The following SLC7A8 variants were observed in gnomAD, a reference collection of about 807,000 sequenced individuals.
The protein encoded by SLC7A8 is solute carrier family 7 member 8.
SLC7A8 carries 30 observed loss-of-function variants against 51.2 expected under a neutral mutation model. The ratio of observed to expected loss-of-function variants is 0.59; its 90% CI spans 0.44 to 0.80. SLC7A8 has a LOEUF of 0.80. Among genes scored for constraint, SLC7A8 ranks in the 30% least tolerant of loss-of-function variants. The pLI, the probability that SLC7A8 is intolerant of heterozygous loss-of-function variation, is 0.00. For synonymous variants in SLC7A8, 257 were observed against 275.8 expected (o/e 0.93, Z 0.67); for missense variants, 612 against 674.4 (o/e 0.91, Z 1.03).
Position 23,175,620 on chromosome 14 carries a change from C to T in SLC7A8, c.151+7144G>A, listed in dbSNP as rs140826181. 7.8e-3 allele frequency among the ~76,000 whole-genome samples: 1,188 copies of T among 152,344 alleles called. 10 individuals carry two copies. Among genetic ancestry groups the T allele is most frequent in the Middle Eastern group, 0.048 (14 of 294 alleles). ...TTTCTTTCCTCCACTCTAAGCATCT[C>T]CTGCTAGTCAGTCATTCTGCGTAAC... On this transcript the variant is annotated intron_variant, in intron 1 of 10. Transcript: ENST00000316902.
intron 3 of SLC7A8, chr14:23,155,310 C>T (rs896756488): frequency 2.0e-6 from 3 of 1,535,742 alleles, no homozygotes; most frequent in Non-Finnish European, 2.6e-6. Flanking sequence ...TGGAGGCACA[C>T]AGCTTTTACC....
chr14:23,149,125 G>A (rs2048823846), intron 3 of SLC7A8, among the ~76,000 whole-genome samples: 1 of 152,156 alleles, frequency 6.6e-6, no homozygotes, highest in South Asian at 2.1e-4. Context: ...GGTTAGCAAA[G>A]TTCCACACCA....
At chr14:23,166,821 A>C (rs1454821058) in intron 1 of SLC7A8, among the ~76,000 whole-genome samples, 1 of 152,228 alleles carries the variant, frequency 6.6e-6, no homozygotes, top group Admixed American at 6.5e-5. Flanking sequence ...CACATTTTAC[A>C]GAGGAGGAAA....
intron 3 of SLC7A8, among the ~76,000 whole-genome samples, chr14:23,161,057 G>A (rs1044440138): frequency 2.6e-5 from 4 of 151,492 alleles, no homozygotes; most frequent in South Asian, 2.1e-4. Context: ...AGAATAACTC[G>A]AAGTGGCAGC....
intron 3 of SLC7A8, among the ~76,000 whole-genome samples, chr14:23,161,150 A>AAGCCAGTTTCAGCAGGTT: frequency 6.6e-6 from 1 of 151,906 alleles, no homozygotes; most frequent in South Asian, 2.1e-4. Flanking sequence ...TCCGGCAGGC[A>AAGCCAGTTTCAGCAGGTT]AGCCAGTTTC....
chr14:23,182,534 G>A (rs538333250), intron 1 of SLC7A8, among the ~76,000 whole-genome samples: 1 of 152,260 alleles, frequency 6.6e-6, no homozygotes, highest in Admixed American at 6.5e-5. Context: ...ACCACGATTT[G>A]CTCCATTCTA....
At chr14:23,175,508 C>T (rs879342633) in intron 1 of SLC7A8, among the ~76,000 whole-genome samples, 8 of 152,132 alleles carry the variant, frequency 5.3e-5, no homozygotes, top group African/African-American at 1.9e-4. Flanking sequence ...CGCACCCGGC[C>T]GGTACAGGGT....
At chr14:23,143,739 C>T (rs2048766034) in intron 3 of SLC7A8, among the ~76,000 whole-genome samples, 3 of 152,202 alleles carry the variant, frequency 2.0e-5, no homozygotes, top group African/African-American at 7.2e-5. Context: ...CACTTCAGCA[C>T]TTCATATATA....
chr14:23,154,512 C>T, intron 3 of SLC7A8: 1 of 977,668 alleles, frequency 1.0e-6, no homozygotes, highest in Non-Finnish European at 1.2e-6. Flanking sequence ...GTGGAAGGAA[C>T]TGAGCACGTG....
At chr14:23,138,661 A>T (rs1417560972) in intron 6 of SLC7A8, among the ~76,000 whole-genome samples, 2 of 152,240 alleles carry the variant, frequency 1.3e-5, no homozygotes, top group Non-Finnish European at 2.9e-5. Flanking sequence ...AAAGGCTGTG[A>T]AGCTATAGAT....
At chr14:23,158,792 T>G (rs1399921228) in intron 3 of SLC7A8, among the ~76,000 whole-genome samples, 1 of 152,364 alleles carries the variant, frequency 6.6e-6, no homozygotes, top group Admixed American at 6.5e-5. Context: ...TAAATCTTTC[T>G]TGTTTTTGTC....
rs781668866 is a variant in SLC7A8 at position 23,143,079 on chromosome 14, C to T, written c.634G>A (p.Gly212Arg). ...IIMGIVQICK[G>R]EYFWLEPKNA... ...TACCTGTTTTTCCTGCGATACTCAC[C>T]TTTGCATATCTGTACAATCCCCATG... is the stretch of plus-strand genomic sequence containing the variant. The change falls in exon 4 of 11, where the codon GGA (glycine) becomes AGA (arginine). Residue 212 changes from glycine to arginine, a missense_variant and splice_region_variant. Coordinates refer to ENST00000316902, the MANE Select transcript of SLC7A8 (RefSeq NM_012244.4). The T allele has an allele frequency of 1.9e-6, 3 of 1,614,088 alleles. 1 individual carries two copies. The South Asian group carries it at 3.3e-5, about 18-fold the overall frequency.
chr14:23,131,519 C>G lies in SLC7A8; in HGVS notation c.1055G>C (p.Ser352Thr). 6.2e-7 allele frequency: 1 copy of G among 1,608,732 alleles called. No individual in the cohort carries two copies. Among genetic ancestry groups the G allele is most frequent in the Non-Finnish European group, 8.5e-7 (1 of 1,177,844 alleles). ...CTTCACGTGGATCATGGCCAACACACTGGGAAGGTGGCCCTCTCGGGCTCC... is the reference window on the plus strand; with the variant it reads ...CTTCACGTGGATCATGGCCAACACAGTGGGAAGGTGGCCCTCTCGGGCTCC... Reference protein sequence around the residue: ...FAGAREGHLPSVLAMIHVKRC... With the variant: ...FAGAREGHLPTVLAMIHVKRC... The change falls in exon 8 of 11, where the codon AGT becomes ACT. Residue 352 changes from serine (S) to threonine (T), a missense_variant. Coordinates refer to ENST00000316902, the MANE Select transcript of SLC7A8 (RefSeq NM_012244.4).
intron 3 of SLC7A8, among the ~76,000 whole-genome samples, chr14:23,158,367 A>T (rs1303831589): frequency 1.3e-5 from 2 of 152,320 alleles, no homozygotes; most frequent in East Asian, 3.9e-4. Context: ...GAAGGCAGAC[A>T]TGGAGTCTAG....
At chr14:23,162,639 GCAA>G (rs2048929869) in intron 3 of SLC7A8, among the ~76,000 whole-genome samples, 1 of 152,204 alleles carries the variant, frequency 6.6e-6, no homozygotes, top group Admixed American at 6.5e-5. Context: ...AGAGGACTGT[GCAA>G]CATGTCATTC....
chr14:23,144,511 A>G (rs1324683770), intron 3 of SLC7A8, among the ~76,000 whole-genome samples: 1 of 152,122 alleles, frequency 6.6e-6, no homozygotes, highest in Non-Finnish European at 1.5e-5. Flanking sequence ...TCTCTACAAA[A>G]AATTTTAAAA....
chr14:23,178,885 CA>C (rs386380884), intron 1 of SLC7A8, among the ~76,000 whole-genome samples: 5,223 of 78,716 alleles, frequency 0.066, 48 homozygotes, highest in Non-Finnish European at 0.091. Flanking sequence ...ATCTTGTCTC[CA>C]AAAAAAAAAA....
chr14:23,127,137 A>T lies in SLC7A8; in HGVS notation c.*40T>A. On this transcript the variant is annotated 3_prime_UTR_variant, in exon 11 of 11. Coordinates refer to ENST00000316902, the MANE Select transcript of SLC7A8 (RefSeq NM_012244.4). ...GGACCAAGGCAGGGAGGTAGGATAAAAGGGGGAGGAAGGAGAGAGTAGCCA... is the reference window on the plus strand; with the variant it reads ...GGACCAAGGCAGGGAGGTAGGATAATAGGGGGAGGAAGGAGAGAGTAGCCA... 2 of 1,611,144 alleles carry T rather than the reference A, an allele frequency of 1.2e-6. No individual in the cohort carries two copies. The highest frequency in any genetic ancestry group is 1.7e-6 in the Non-Finnish European group (2 of 1,177,810).
At chr14:23,179,040 C>T (rs538067002) in intron 1 of SLC7A8, among the ~76,000 whole-genome samples, 85 of 151,934 alleles carry the variant, frequency 5.6e-4, no homozygotes, top group Admixed American at 4.9e-3. Flanking sequence ...TTTTTTTTTA[C>T]GGACACAATC....
Sources: allele counts gnomAD v4.1 joint callset (sites outside exome capture counted in the v4.1 genomes callset), GRCh38; gene constraint gnomAD v4.1.1; transcripts MANE v1.5; gene names NCBI Gene and HGNC (gene_info 2026-07-23, HGNC 2026-07-21).